Variants in GLIS3 observed in about 807,000 individuals in gnomAD.
GLIS3 encodes zinc finger protein GLIS3.
GLIS3 carries 53 observed loss-of-function variants against 78.6 expected under a neutral mutation model. The observed-to-expected ratio is 0.67, with a 90% CI of 0.54 to 0.85. The LOEUF is 0.85. GLIS3 is among the 40% of genes least tolerant of loss of function. The pLI is 0.00. For synonymous variants in GLIS3, 684 were observed against 509.9 expected (o/e 1.34, Z -4.60); for missense variants, 1,703 against 1,231.1 (o/e 1.38, Z -5.74).
chr9:4,104,198 G>C (rs1367316102), intron 4 of GLIS3, among the ~76,000 whole-genome samples: 1 of 151,924 alleles, frequency 6.6e-6, no homozygotes, highest in Non-Finnish European at 1.5e-5. Flanking sequence ...TGTCTAAAAG[G>C]CTCCTCAAAC....
intron 4 of GLIS3, among the ~76,000 whole-genome samples, chr9:4,099,618 A>AT (rs1345799633): frequency 6.6e-6 from 1 of 152,186 alleles, no homozygotes; most frequent in African/African-American, 2.4e-5. Context: ...TGACTTCAAC[A>AT]TACCTCTTTT....
chr9:4,196,108 C>T (rs1045842270), intron 2 of GLIS3, among the ~76,000 whole-genome samples: 1 of 151,954 alleles, frequency 6.6e-6, no homozygotes, highest in Non-Finnish European at 1.5e-5. Flanking sequence ...TTTGTAAATG[C>T]ACTAATCAGT....
chr9:3,854,913 A>G (rs987078835), intron 9 of GLIS3, among the ~76,000 whole-genome samples: 1 of 152,154 alleles, frequency 6.6e-6, no homozygotes, highest in Non-Finnish European at 1.5e-5. Context: ...AAAATTATTC[A>G]CACTCAATTT....
chr9:4,183,910 T>C (rs1817549683), intron 2 of GLIS3, among the ~76,000 whole-genome samples: 1 of 152,214 alleles, frequency 6.6e-6, no homozygotes, highest in Admixed American at 6.5e-5. Flanking sequence ...ACTGCTGCTG[T>C]CTAGCATAGT....
chr9:3,895,168 C>T (rs1822737598), intron 7 of GLIS3, among the ~76,000 whole-genome samples: 1 of 152,194 alleles, frequency 6.6e-6, no homozygotes, highest in Non-Finnish European at 1.5e-5. Flanking sequence ...ATTAGTTCAT[C>T]ACAGGTGTTC....
intron 4 of GLIS3, among the ~76,000 whole-genome samples, chr9:3,967,722 C>A (rs1252987394): frequency 6.6e-6 from 1 of 152,026 alleles, no homozygotes; most frequent in Non-Finnish European, 1.5e-5. Flanking sequence ...TATTATGATG[C>A]TAAGAGACAA....
intron 9 of GLIS3, among the ~76,000 whole-genome samples, chr9:3,839,752 T>C (rs2130056600): frequency 6.6e-6 from 1 of 152,300 alleles, no homozygotes; most frequent in South Asian, 2.1e-4. Flanking sequence ...ATCTTGCCAC[T>C]TTTGTTGAGG....
intron 2 of GLIS3, among the ~76,000 whole-genome samples, chr9:4,278,776 G>C (rs1239372533): frequency 2.6e-5 from 4 of 152,224 alleles, no homozygotes; most frequent in Admixed American, 1.3e-4. Context: ...GAAAGAGAAA[G>C]TGTCCTTCAC....
rs186029258 is a variant in GLIS3 at position 4,222,048 on chromosome 9, G to A, written c.388+63990C>T. ...GCTCTTGAGTTGAAGTTTAGCCACA[G>A]ACCTCAAGGGAGCATCCAGATTTAT... is the stretch of plus-strand genomic sequence containing the variant. On this transcript the variant is annotated intron_variant, in intron 2 of 10. Transcript: ENST00000381971. Among the ~76,000 whole-genome samples, 20 of 152,308 alleles carry A rather than the reference G, an allele frequency of 1.3e-4. No individual in the cohort carries two copies. The East Asian group carries it at 3.9e-3, about 29-fold the overall frequency.
chr9:4,361,656 A>T, the GLIS3 span, among the ~76,000 whole-genome samples: 1 of 152,250 alleles, frequency 6.6e-6, no homozygotes, highest in Non-Finnish European at 1.5e-5. Context: ...TTTCTACCCT[A>T]GCCAGTCCAT....
At chr9:4,415,747 C>G in the GLIS3 span, among the ~76,000 whole-genome samples, 1 of 148,680 alleles carries the variant, frequency 6.7e-6, no homozygotes, top group African/African-American at 2.6e-5. Flanking sequence ...AAAACAGAAA[C>G]AAAAACAAAA....
chr9:4,023,436 A>T (rs1310491829), intron 4 of GLIS3, among the ~76,000 whole-genome samples: 1 of 152,212 alleles, frequency 6.6e-6, no homozygotes, highest in East Asian at 1.9e-4. Context: ...GACCCCAAAA[A>T]AGTGTCATCA....
intron 2 of GLIS3, among the ~76,000 whole-genome samples, chr9:4,136,089 C>T (rs897167169): frequency 6.6e-6 from 1 of 152,098 alleles, no homozygotes; most frequent in African/African-American, 2.4e-5. Flanking sequence ...GCAAAGCAAT[C>T]GAATTTGGCA....
intron 2 of GLIS3, among the ~76,000 whole-genome samples, chr9:4,181,475 G>A (rs1484138318): frequency 1.3e-5 from 2 of 152,144 alleles, no homozygotes; most frequent in African/African-American, 4.8e-5. Flanking sequence ...AGAGGGGTGG[G>A]ACCCAAAGGC....
At chr9:3,982,658 TCAGAAAGGCCAAGCCTAG>T (rs1430356016) in intron 4 of GLIS3, among the ~76,000 whole-genome samples, 3 of 152,168 alleles carry the variant, frequency 2.0e-5, no homozygotes, top group Non-Finnish European at 4.4e-5. Flanking sequence ...TTCTGGCCAG[TCAGAAAGGCCAAGCCTAG>T]CAAAGATACT....
chr9:4,413,749 G>C, the GLIS3 span, among the ~76,000 whole-genome samples: 1 of 151,936 alleles, frequency 6.6e-6, no homozygotes, highest in Non-Finnish European at 1.5e-5. Flanking sequence ...TCTTATACCA[G>C]GCAGGGAATG....
At chr9:4,041,046 T>C (rs1824770748) in intron 4 of GLIS3, among the ~76,000 whole-genome samples, 1 of 152,226 alleles carries the variant, frequency 6.6e-6, no homozygotes, top group Non-Finnish European at 1.5e-5. Flanking sequence ...GATAGTTATG[T>C]GGAGTGAGTA....
intron 2 of GLIS3, among the ~76,000 whole-genome samples, chr9:4,266,178 A>C (rs1012316255): frequency 6.6e-6 from 1 of 151,888 alleles, no homozygotes; most frequent in African/African-American, 2.4e-5. Context: ...TCAGCCTCCC[A>C]AAGTGCTGAG....
At chr9:4,007,117 G>A (rs1054697362) in intron 4 of GLIS3, among the ~76,000 whole-genome samples, 9 of 152,178 alleles carry the variant, frequency 5.9e-5, no homozygotes, top group African/African-American at 2.2e-4. Context: ...AGACTAATAG[G>A]AGAGAAGCCC....
Sources: allele counts gnomAD v4.1 joint callset (sites outside exome capture counted in the v4.1 genomes callset), GRCh38; gene constraint gnomAD v4.1.1; transcripts MANE v1.5; gene names NCBI Gene and HGNC (gene_info 2026-07-23, HGNC 2026-07-21).